BBS9: variants seen among roughly 807,000 people sequenced by gnomAD.
BBS9 encodes protein PTHB1.
In BBS9, 89 loss-of-function variants were observed where a neutral mutation model predicts 117.7. That is an observed-to-expected ratio of 0.76 (90% CI 0.64 to 0.90). The LOEUF (loss-of-function observed/expected upper bound fraction) is 0.90. Ranked by LOEUF, BBS9 falls within the 40% of genes least tolerant of loss-of-function variation. BBS9 has a pLI of 0.00. For synonymous variants in BBS9, 379 were observed against 370.9 expected, an observed-to-expected ratio of 1.02 and a Z score of -0.25; for missense variants, 982 against 1,042.2, an observed-to-expected ratio of 0.94 and a Z score of 0.80.
At chr7:33,396,965 C>A (rs959833304) in intron 19 of BBS9, among the ~76,000 whole-genome samples, 1 of 152,080 alleles carries the variant, frequency 6.6e-6, no homozygotes, top group Non-Finnish European at 1.5e-5. Context: ...AAAATTGAAA[C>A]TGGACCTCTT....
chr7:33,508,629 G>A (rs565449968), intron 20 of BBS9, among the ~76,000 whole-genome samples: 18 of 152,280 alleles, frequency 1.2e-4, no homozygotes, highest in African/African-American at 4.1e-4. Flanking sequence ...TGCTCCATCA[G>A]AGTTCACTTA....
intron 9 of BBS9, among the ~76,000 whole-genome samples, chr7:33,311,443 C>G (rs2128552978): frequency 6.6e-6 from 1 of 152,310 alleles, no homozygotes; most frequent in East Asian, 1.9e-4. Context: ...TGAGTGCTCA[C>G]AGCATTTGAG....
chr7:33,421,201 A>G (rs1407866157), intron 19 of BBS9, among the ~76,000 whole-genome samples: 3 of 151,962 alleles, frequency 2.0e-5, no homozygotes, highest in African/African-American at 7.3e-5. Flanking sequence ...TTTACTGTAA[A>G]CAAATGATTC....
intron 8 of BBS9, 66 bp from the exon 9 acceptor site, chr7:33,273,761 A>C (rs1800234225): frequency 1.3e-6 from 2 of 1,486,086 alleles, no homozygotes; most frequent in Admixed American, 3.6e-5. Context: ...TCAATTTCCT[A>C]AAAGAGATAT....
At chr7:33,210,967 T>C (rs1321938627) in intron 5 of BBS9, among the ~76,000 whole-genome samples, 1 of 152,226 alleles carries the variant, frequency 6.6e-6, no homozygotes, top group East Asian at 1.9e-4. Flanking sequence ...AATTATCTTT[T>C]GTTTTATATA....
At chr7:33,485,466 C>T (rs986779025) in intron 19 of BBS9, among the ~76,000 whole-genome samples, 4 of 151,874 alleles carry the variant, frequency 2.6e-5, no homozygotes, top group African/African-American at 2.4e-5. Context: ...CCCGCCACCA[C>T]GCCTGGCTAA....
chr7:33,315,528 G>A (rs1210172723), intron 9 of BBS9, among the ~76,000 whole-genome samples: 1 of 152,158 alleles, frequency 6.6e-6, no homozygotes, highest in African/African-American at 2.4e-5. Context: ...GAAACGAGCT[G>A]TAAAGTCTCA....
intron 3 of BBS9, among the ~76,000 whole-genome samples, chr7:33,153,934 T>C (rs1297054500): frequency 6.6e-6 from 1 of 152,208 alleles, no homozygotes; most frequent in Non-Finnish European, 1.5e-5. Flanking sequence ...AAAAGCATCC[T>C]TCCTGCTAAA....
chr7:33,307,906 ATGT>A (rs1348198286), intron 9 of BBS9, among the ~76,000 whole-genome samples: 1 of 152,114 alleles, frequency 6.6e-6, no homozygotes, highest in Non-Finnish European at 1.5e-5. Flanking sequence ...ATTTATTGAA[ATGT>A]TGTCACTTTA....
chr7:33,196,686 T>G (rs964707), intron 5 of BBS9, among the ~76,000 whole-genome samples: 2 of 152,052 alleles, frequency 1.3e-5, no homozygotes, highest in African/African-American at 4.8e-5. Context: ...AGGTGTTTTA[T>G]TATATTGGAG....
chr7:33,505,765 A>G (rs563512332), intron 20 of BBS9, 120 bp downstream of exon 20: 3 of 1,066,564 alleles, frequency 2.8e-6, no homozygotes, highest in Non-Finnish European at 4.1e-6. Context: ...TTTTTTACAA[A>G]AATGCTGCTT....
intron 19 of BBS9, among the ~76,000 whole-genome samples, chr7:33,429,855 TA>T (rs1159630005): frequency 6.6e-6 from 1 of 152,090 alleles, no homozygotes; most frequent in Admixed American, 6.6e-5. Context: ...ATAGCAAAAT[TA>T]AAAAACCTAT....
chr7:33,255,713 A>G lies in BBS9; in HGVS notation c.443-1523A>G, dbSNP rs143511589. Among the ~76,000 whole-genome samples, 1,329 of 152,338 alleles carry G rather than the reference A, an allele frequency of 8.7e-3. 17 individuals are homozygous for G. Among genetic ancestry groups the G allele is most frequent in the South Asian group, 0.044 (211 of 4,830 alleles). ...TCATTTTTGCTGATTGCAGACAGGT[A>G]GGTTTGCCAGATAGCTAGATGAGAT... is the stretch of plus-strand genomic sequence containing the variant. On this transcript the variant is annotated intron_variant, in intron 5 of 22. Coordinates refer to ENST00000242067, the MANE Select transcript of BBS9 (RefSeq NM_198428.3).
At chr7:33,268,859 G>A (rs1174262252) in intron 7 of BBS9, among the ~76,000 whole-genome samples, 1 of 152,144 alleles carries the variant, frequency 6.6e-6, no homozygotes. Flanking sequence ...ACATCAGCCC[G>A]AGGTACAGAC....
At chr7:33,218,647 C>G (rs1789535937) in intron 5 of BBS9, among the ~76,000 whole-genome samples, 1 of 152,146 alleles carries the variant, frequency 6.6e-6, no homozygotes, top group Non-Finnish European at 1.5e-5. Context: ...AGGTGAGTTA[C>G]AAGATAATAC....
intron 21 of BBS9, among the ~76,000 whole-genome samples, chr7:33,570,539 T>C (rs900234596): frequency 1.3e-5 from 2 of 152,168 alleles, no homozygotes; most frequent in African/African-American, 4.8e-5. Context: ...ACAATAGCCA[T>C]TACTGCAAGC....
chr7:33,185,010 A>T (rs1473077926), intron 5 of BBS9, among the ~76,000 whole-genome samples: 3 of 152,164 alleles, frequency 2.0e-5, no homozygotes, highest in Non-Finnish European at 4.4e-5. Flanking sequence ...TAGACCATAC[A>T]ATGTAATTCC....
chr7:33,405,780 CT>C (rs1278303914), intron 19 of BBS9, among the ~76,000 whole-genome samples: 1 of 152,054 alleles, frequency 6.6e-6, no homozygotes, highest in Non-Finnish European at 1.5e-5. Flanking sequence ...TTTTGTTGAT[CT>C]TTTCAAAAAA....
intron 21 of BBS9, among the ~76,000 whole-genome samples, chr7:33,622,218 C>CAA (rs150665671): frequency 1.3e-5 from 2 of 151,344 alleles, no homozygotes; most frequent in African/African-American, 4.9e-5. Flanking sequence ...AAAATAAAAA[C>CAA]AAAAAAAATA....
Sources: allele counts gnomAD v4.1 joint callset (sites outside exome capture counted in the v4.1 genomes callset), GRCh38; gene constraint gnomAD v4.1.1; transcripts MANE v1.5; gene names NCBI Gene and HGNC (gene_info 2026-07-23, HGNC 2026-07-21).